The following ADA variants were observed in gnomAD, a reference collection of about 807,000 sequenced individuals.
ADA encodes the protein adenosine deaminase.
In ADA, 45 loss-of-function variants were observed where a neutral mutation model predicts 49.0. That is an observed-to-expected ratio of 0.92 (90% CI 0.72 to 1.18). ADA has a LOEUF of 1.18. Among genes scored for constraint, ADA ranks in the 50% most tolerant of loss-of-function variants. The probability of loss-of-function intolerance (pLI) is 0.00; values close to 1 mark genes in which losing one functional copy is unlikely to be tolerated. For synonymous variants in ADA, 173 were observed against 184.2 expected (o/e 0.94, Z 0.49); for missense variants, 445 against 472.5 (o/e 0.94, Z 0.54).
At chr20:44,636,892 A>T (rs1018868397) in intron 1 of ADA, among the ~76,000 whole-genome samples, 1 of 152,094 alleles carries the variant, frequency 6.6e-6, no homozygotes, top group African/African-American at 2.4e-5. Flanking sequence ...TGCAACCTCC[A>T]CCTCCTGGGT....
intron 2 of ADA, among the ~76,000 whole-genome samples, chr20:44,632,780 C>G (rs1306700766): frequency 6.6e-6 from 1 of 152,230 alleles, no homozygotes; most frequent in Non-Finnish European, 1.5e-5. Context: ...GCAACCTTCA[C>G]CTCCCTGGTT....
chr20:44,651,646 C>T lies in ADA; in HGVS notation c.-39G>A. The T allele has an allele frequency of 1.3e-6, 2 of 1,499,592 alleles. No individual in the cohort carries two copies. The highest frequency in any genetic ancestry group is 1.8e-6 in the Non-Finnish European group (2 of 1,131,352). 92.9% of individuals were successfully genotyped at this position (1,499,592 alleles called of 1,614,324 possible). A position where few individuals can be genotyped will look rare whatever the true frequency, so the allele number is the denominator to read the frequency against. ...GCCCCGGCGCTGCTCCCTCCGCCGC[C>T]GCTCGGTGGGTCTCTGCCGGCTCGG... On this transcript the variant is annotated 5_prime_UTR_variant, in exon 1 of 12. Coordinates refer to ENST00000372874, the MANE Select transcript of ADA (RefSeq NM_000022.4).
chr20:44,622,369 C>G (rs1368803862), intron 9 of ADA, among the ~76,000 whole-genome samples: 4 of 152,248 alleles, frequency 2.6e-5, no homozygotes, highest in Non-Finnish European at 4.4e-5. Context: ...GGCCCCAGCT[C>G]TGCTGGTTAG....
chr20:44,624,180 C>T (rs2065359920), intron 6 of ADA, 22 bp downstream of exon 6: 3 of 1,599,650 alleles, frequency 1.9e-6, no homozygotes, highest in Admixed American at 3.5e-5. Flanking sequence ...CCAGCCTCTC[C>T]ATTCCTTCTC....
chr20:44,621,261 A>C, intron 9 of ADA, 114 bp from the exon 10 acceptor site: 12 of 1,319,444 alleles, frequency 9.1e-6, no homozygotes, highest in Non-Finnish European at 1.2e-5. Context: ...ACAGATCTGA[A>C]AGATCTGATC....
chr20:44,622,863 T>C lies in ADA; in HGVS notation c.746A>G (p.Tyr249Cys), dbSNP rs751244757. The C allele has an allele frequency of 9.9e-6, 16 of 1,614,218 alleles. No homozygotes were observed. The highest frequency in any genetic ancestry group is 3.3e-5 in the Admixed American group (2 of 60,032). ...GYHTLEDQAL[Y>C]NRLRQENMHF... is the part of the protein sequence containing the mutation. ...CATGTTTTCCTGCCGCAGCCTGTTATAAAGGGCCTGGTCTTCCAGGGTGTG... is the reference window on the plus strand; with the variant it reads ...CATGTTTTCCTGCCGCAGCCTGTTACAAAGGGCCTGGTCTTCCAGGGTGTG... Residue 249 changes from tyrosine to cysteine, a missense_variant, in exon 8 of 12, where the codon TAT (tyrosine) becomes TGT (cysteine). Physicochemically the swap from Tyr to Cys is radical, Grantham distance 194. Coordinates refer to ENST00000372874, the MANE Select transcript of ADA (RefSeq NM_000022.4).
rs2065318348 is a variant in ADA at position 44,620,414 on chromosome 20, G to A, written c.976-13C>T. ...CCGCATTGATGTTCTGGAAAGGCCAGAATGGCAGACAACATGGAACCAGAG... is the reference window on the plus strand; with the variant it reads ...CCGCATTGATGTTCTGGAAAGGCCAAAATGGCAGACAACATGGAACCAGAG... On this transcript the variant is annotated splice_polypyrimidine_tract_variant and intron_variant, in intron 10 of 11. Coordinates refer to ENST00000372874, the MANE Select transcript of ADA (RefSeq NM_000022.4). 2 of 1,607,278 alleles carry A rather than the reference G, an allele frequency of 1.2e-6. No homozygotes were observed. Among genetic ancestry groups the A allele is most frequent in the Non-Finnish European group, 1.7e-6 (2 of 1,173,686 alleles).
rs772021681 is a variant in ADA at position 44,626,567 on chromosome 20, T to C, written c.251A>G (p.Tyr84Cys). ...GCREAIKRIA[Y>C]EFVEMKAKEG... ...TTTGGCCTTCATCTCTACAAACTCA[T>C]AGGCGATCCTTTTGATAGCCTCCCG... The change falls in exon 4 of 12, where the codon TAT becomes TGT. Residue 84 changes from tyrosine to cysteine, a missense_variant. Physicochemically the swap from Tyr to Cys is radical, Grantham distance 194. Transcript: ENST00000372874. 14 of 1,614,032 alleles carry C rather than the reference T, an allele frequency of 8.7e-6. 1 individual carries two copies. The highest frequency in any genetic ancestry group is 1.6e-4 in the Middle Eastern group (1 of 6,074).
intron 11 of ADA, among the ~76,000 whole-genome samples, 158 bp from the exon 12 acceptor site, chr20:44,620,005 C>T (rs932480478): frequency 6.6e-6 from 1 of 152,236 alleles, no homozygotes; most frequent in Non-Finnish European, 1.5e-5. Flanking sequence ...CAGAACAGGC[C>T]TGGGCCCCTC....
intron 3 of ADA, 67 bp from the exon 4 acceptor site, chr20:44,626,666 G>A: frequency 4.4e-6 from 7 of 1,597,192 alleles, no homozygotes; most frequent in Non-Finnish European, 6.0e-6. Flanking sequence ...AGGAGCAAAT[G>A]ACATCCCCAA....
chr20:44,630,059 A>G (rs965008460), intron 2 of ADA, among the ~76,000 whole-genome samples: 2 of 151,640 alleles, frequency 1.3e-5, no homozygotes, highest in African/African-American at 4.8e-5. Flanking sequence ...AAATGCTTCT[A>G]GGCTGGGCAT....
At chr20:44,641,145 G>A (rs2065529781) in intron 1 of ADA, among the ~76,000 whole-genome samples, 1 of 152,162 alleles carries the variant, frequency 6.6e-6, no homozygotes, top group African/African-American at 2.4e-5. Flanking sequence ...CAGGCACTGG[G>A]GGCTTCAGAG....
intron 1 of ADA, among the ~76,000 whole-genome samples, chr20:44,649,520 C>T (rs1238343265): frequency 1.3e-5 from 2 of 151,992 alleles, no homozygotes; most frequent in Admixed American, 1.3e-4. Context: ...GGTGTGGACA[C>T]TGAGGTCCCA....
chr20:44,623,164 A>G lies in ADA; in HGVS notation c.607-86T>C, dbSNP rs2065349810. 12 of 1,586,028 alleles carry G rather than the reference A, an allele frequency of 7.6e-6. No homozygotes were observed. The South Asian group carries it at 1.2e-4, about 16-fold the overall frequency. ...TTGACCATGCTGTGGAGATTGAACC[A>G]TCCTAGTCATGCTGCCTGCTTCAAC... On this transcript the variant is annotated intron_variant, in intron 6 of 11. Transcript: ENST00000372874.
intron 4 of ADA, 31 bp downstream of exon 4, chr20:44,626,425 C>T (rs757942051): frequency 4.3e-6 from 7 of 1,613,066 alleles, no homozygotes; most frequent in Non-Finnish European, 5.9e-6. Flanking sequence ...GCCACACCCT[C>T]AGCATGGCCC....
At chr20:44,635,853 A>G (rs904804867) in intron 2 of ADA, among the ~76,000 whole-genome samples, 1 of 152,032 alleles carries the variant, frequency 6.6e-6, no homozygotes, top group Non-Finnish European at 1.5e-5. Context: ...AGCCGAGATC[A>G]TGCCACTGCA....
intron 1 of ADA, among the ~76,000 whole-genome samples, chr20:44,638,044 C>T (rs945917964): frequency 1.1e-4 from 17 of 152,144 alleles, no homozygotes; most frequent in African/African-American, 4.1e-4. Context: ...TGGAGAGGGC[C>T]CAGCCAGAGA....
chr20:44,651,535 G>T, intron 1 of ADA, 40 bp downstream of exon 1: 2 of 1,524,264 alleles, frequency 1.3e-6, no homozygotes, highest in Non-Finnish European at 8.8e-7. Flanking sequence ...GGCCGCCCAG[G>T]CGCCGGACCC....
chr20:44,641,191 C>A (rs940292149), intron 1 of ADA, among the ~76,000 whole-genome samples: 1 of 152,074 alleles, frequency 6.6e-6, no homozygotes, highest in Non-Finnish European at 1.5e-5. Flanking sequence ...GTTAGGAGCA[C>A]GGGAAGTTCT....
Sources: allele counts gnomAD v4.1 joint callset (sites outside exome capture counted in the v4.1 genomes callset), GRCh38; gene constraint gnomAD v4.1.1; transcripts MANE v1.5; gene names NCBI Gene and HGNC (gene_info 2026-07-23, HGNC 2026-07-21).